Variants in EDIL3 observed in about 807,000 individuals in gnomAD.
The protein encoded by EDIL3 is EGF like and discoidin domains 3, also known as EGF-like repeat and discoidin I-like domain-containing protein 3.
Under a neutral mutation model 67.4 loss-of-function variants are expected in EDIL3, and 37 were observed. That is an observed-to-expected ratio of 0.55 (90% CI 0.42 to 0.72). The LOEUF (loss-of-function observed/expected upper bound fraction) is 0.72, where lower values mean the gene tolerates loss of function less well. Among genes scored for constraint, EDIL3 ranks in the 30% least tolerant of loss-of-function variants. The pLI is 0.00. For synonymous variants in EDIL3, 195 were observed against 196.3 expected, an observed-to-expected ratio of 0.99 and a Z score of 0.05; for missense variants, 527 against 586.3, an observed-to-expected ratio of 0.90 and a Z score of 1.04.
At chr5:84,191,206 A>G (rs1373060640) in intron 3 of EDIL3, among the ~76,000 whole-genome samples, 2 of 152,064 alleles carry the variant, frequency 1.3e-5, no homozygotes. Flanking sequence ...AAATAAGTAT[A>G]CTATTTCCAC....
At chr5:84,041,509 A>G (rs976486786) in intron 9 of EDIL3, among the ~76,000 whole-genome samples, 1 of 150,050 alleles carries the variant, frequency 6.7e-6, no homozygotes, top group African/African-American at 2.5e-5. Flanking sequence ...TTCTCATTAC[A>G]GAGCTTTAAG....
chr5:84,132,413 T>C (rs1267180654), intron 5 of EDIL3, among the ~76,000 whole-genome samples: 13 of 114,682 alleles, frequency 1.1e-4, no homozygotes, highest in African/African-American at 4.6e-4. Flanking sequence ...TATTTTAACA[T>C]ATATTATATA....
rs189993611 is a variant in EDIL3, at chr5:84,279,091, A to C, written c.68-24879T>G. 2.0e-5 allele frequency among the ~76,000 whole-genome samples: 3 copies of C among 152,306 alleles called. No homozygotes were observed. In the East Asian group the frequency reaches 5.8e-4, roughly 29 times the overall value. On this transcript the variant is annotated intron_variant, in intron 1 of 10. Transcript: ENST00000296591. ...ATAATGCCTGTAAAGTAACTGGTAC[A>C]ATTCCTAGTGTACAATAGGTATCAA...
intron 3 of EDIL3, among the ~76,000 whole-genome samples, chr5:84,221,269 A>C (rs1171928577): frequency 6.6e-6 from 1 of 152,120 alleles, no homozygotes; most frequent in Non-Finnish European, 1.5e-5. Context: ...CTGATTTTAC[A>C]GTCTGGGGGC....
At chr5:84,127,374 T>C (rs1301895550) in intron 5 of EDIL3, among the ~76,000 whole-genome samples, 1 of 152,132 alleles carries the variant, frequency 6.6e-6, no homozygotes, top group Non-Finnish European at 1.5e-5. Context: ...CGTGTATTAT[T>C]GACCAGATAA....
chr5:84,195,645 G>A (rs1743689416), intron 3 of EDIL3, among the ~76,000 whole-genome samples: 1 of 151,976 alleles, frequency 6.6e-6, no homozygotes, highest in Non-Finnish European at 1.5e-5. Context: ...CTACAGATGT[G>A]CTGAATTCTA....
intron 3 of EDIL3, among the ~76,000 whole-genome samples, chr5:84,191,741 A>G (rs963855903): frequency 6.6e-6 from 1 of 152,078 alleles, no homozygotes; most frequent in African/African-American, 2.4e-5. Context: ...AAAAAGGAAC[A>G]GCAAAATTGA....
At chr5:84,155,004 T>C (rs1195826655) in intron 4 of EDIL3, among the ~76,000 whole-genome samples, 2 of 152,154 alleles carry the variant, frequency 1.3e-5, no homozygotes, top group East Asian at 3.9e-4. Flanking sequence ...TAGCCTCTGC[T>C]TCTTATTCTA....
chr5:84,154,061 G>A (rs1273643915), intron 4 of EDIL3, among the ~76,000 whole-genome samples: 1 of 152,156 alleles, frequency 6.6e-6, no homozygotes, highest in Admixed American at 6.5e-5. Flanking sequence ...GATCCAAGCT[G>A]AGGGTACAAC....
chr5:84,259,340 C>A (rs1745182945), intron 1 of EDIL3, among the ~76,000 whole-genome samples: 1 of 152,146 alleles, frequency 6.6e-6, no homozygotes, highest in Non-Finnish European at 1.5e-5. Context: ...TATAAGATTT[C>A]ATGGTTATTT....
chr5:84,127,598 G>T (rs1747890272), intron 5 of EDIL3, among the ~76,000 whole-genome samples: 1 of 152,056 alleles, frequency 6.6e-6, no homozygotes. Context: ...GCCATTAATG[G>T]TTTTAGCTTC....
chr5:84,059,591 A>T (rs960435796), intron 9 of EDIL3, among the ~76,000 whole-genome samples: 1 of 152,222 alleles, frequency 6.6e-6, no homozygotes, highest in African/African-American at 2.4e-5. Context: ...TCATGAATAC[A>T]GCATAAAAAT....
chr5:84,102,774 T>C (rs1407498132), intron 6 of EDIL3, among the ~76,000 whole-genome samples: 1 of 152,014 alleles, frequency 6.6e-6, no homozygotes, highest in Non-Finnish European at 1.5e-5. Context: ...ATACGAAGAA[T>C]CAAAATCATT....
intron 3 of EDIL3, among the ~76,000 whole-genome samples, chr5:84,205,567 T>C (rs1352989243): frequency 6.6e-6 from 1 of 152,144 alleles, no homozygotes; most frequent in Non-Finnish European, 1.5e-5. Flanking sequence ...TGGTAAACTA[T>C]TGATTATTGC....
At chr5:84,359,765 C>A (rs1293246055) in intron 1 of EDIL3, among the ~76,000 whole-genome samples, 3 of 152,134 alleles carry the variant, frequency 2.0e-5, no homozygotes, top group African/African-American at 7.2e-5. Context: ...CATGGCACTG[C>A]CCAGACAAAA....
chr5:84,081,062 A>G (rs528575811), intron 6 of EDIL3, among the ~76,000 whole-genome samples: 1 of 152,352 alleles, frequency 6.6e-6, no homozygotes, highest in East Asian at 1.9e-4. Flanking sequence ...TAAAACTTCC[A>G]ATTAAAGTGA....
intron 2 of EDIL3, among the ~76,000 whole-genome samples, chr5:84,246,587 G>A (rs1252468639): frequency 6.6e-6 from 1 of 152,168 alleles, no homozygotes; most frequent in Admixed American, 6.5e-5. Flanking sequence ...CTAGAAGAAA[G>A]GACAGTGGTT....
chr5:84,311,324 C>CTTTTTTTTT (rs58965080), intron 1 of EDIL3, among the ~76,000 whole-genome samples: 1 of 105,544 alleles, frequency 9.5e-6, no homozygotes, highest in African/African-American at 3.3e-5. Flanking sequence ...TTTTTTTTTT[C>CTTTTTTTTT]TTTTTTTTTT....
chr5:84,316,354 T>C (rs1561254947), intron 1 of EDIL3, among the ~76,000 whole-genome samples: 1 of 152,144 alleles, frequency 6.6e-6, no homozygotes, highest in Non-Finnish European at 1.5e-5. Context: ...GTGTGCTGTA[T>C]TGAGCAGACC....
Sources: gnomAD v4.1 joint callset for allele counts (sites outside exome capture counted in the v4.1 genomes callset) on GRCh38, gnomAD v4.1.1 for gene constraint, MANE v1.5 for transcripts, NCBI Gene and HGNC (gene_info 2026-07-23, HGNC 2026-07-21) for gene names.